Variants in SEC22A observed in about 807,000 individuals in gnomAD.
The protein encoded by SEC22A is SEC22 homolog A, vesicle trafficking protein, also known as vesicle-trafficking protein SEC22a.
A neutral mutation model predicts 35.3 loss-of-function variants in SEC22A; 22 were observed. The observed-to-expected ratio is 0.62, with a 90% CI of 0.45 to 0.89. The LOEUF (loss-of-function observed/expected upper bound fraction) is 0.89, where lower values mean the gene tolerates loss of function less well. Among genes scored for constraint, SEC22A ranks in the 40% least tolerant of loss-of-function variants. SEC22A has a pLI of 0.00. For missense variants in SEC22A, 354 were observed against 362.5 expected (o/e 0.98, Z 0.19); for synonymous variants, 119 against 129.5 (o/e 0.92, Z 0.55).
At chr3:123,251,393 A>G (rs1372628158) in intron 5 of SEC22A, among the ~76,000 whole-genome samples, 2 of 152,196 alleles carry the variant, frequency 1.3e-5, no homozygotes, top group African/African-American at 4.8e-5. Context: ...GTCTTAGACT[A>G]AATTACTCTA....
chr3:123,215,838 G>C (rs937967918), intron 2 of SEC22A, among the ~76,000 whole-genome samples: 5 of 152,132 alleles, frequency 3.3e-5, no homozygotes, highest in African/African-American at 1.2e-4. Context: ...CCAGGGAAGA[G>C]AATGAAGGGA....
Position 123,273,258 on chromosome 3 carries a change from C to A in SEC22A, c.*1536C>A, listed in dbSNP as rs2108119237. 1 of 152,288 alleles carries A rather than the reference C, an allele frequency of 6.6e-6. No homozygotes were observed. The highest frequency in any genetic ancestry group is 1.9e-4 in the East Asian group (1 of 5,182). The allele number at this position is 152,288 out of a possible 1,614,324, so 9.4% of individuals were successfully genotyped here. ...CCAGTATTTGTGGATATGTCTAGAA[C>A]TGTAAAATCTTGCTTAACTAGAACC... On this transcript the variant is annotated 3_prime_UTR_variant, in exon 7 of 7. Coordinates refer to ENST00000492595, the MANE Select transcript of SEC22A (RefSeq NM_012430.5).
rs1243085333 is a variant in SEC22A, at chr3:123,271,530, A to C, written c.732A>C (p.Leu244Phe). 5 of 1,612,466 alleles carry C rather than the reference A, an allele frequency of 3.1e-6. No individual in the cohort carries two copies. Among genetic ancestry groups the C allele is most frequent in the Non-Finnish European group, 4.2e-6 (5 of 1,179,450 alleles). The change falls in exon 7 of 7, where the codon TTA (leucine) becomes TTC (phenylalanine). Residue 244 changes from leucine to phenylalanine, a missense_variant. Physicochemically the swap from Leu to Phe is conservative, Grantham distance 22 (BLOSUM62 0). Transcript: ENST00000492595. ...GTAACLYQCYLLVYYTGWRNV... is the reference protein window; with the variant it reads ...GTAACLYQCYFLVYYTGWRNV... ...TTTTATATTTTGAACAGTGTTATTT[A>C]CTTGTCTACTACACCGGCTGGCGGA...
intron 6 of SEC22A, among the ~76,000 whole-genome samples, chr3:123,263,254 T>C (rs1937933526): frequency 1.3e-5 from 2 of 152,242 alleles, no homozygotes; most frequent in African/African-American, 4.8e-5. Context: ...AGTTCTGGAA[T>C]CTGGAAGTCC....
intron 2 of SEC22A, among the ~76,000 whole-genome samples, chr3:123,222,130 T>G (rs931872239): frequency 1.3e-5 from 2 of 152,158 alleles, no homozygotes; most frequent in Non-Finnish European, 2.9e-5. Flanking sequence ...ATAGCATTTT[T>G]TTTTTTTTAT....
intron 4 of SEC22A, among the ~76,000 whole-genome samples, chr3:123,226,186 T>C (rs979983698): frequency 1.3e-5 from 2 of 152,238 alleles, no homozygotes; most frequent in African/African-American, 4.8e-5. Context: ...TTCGATATGC[T>C]GATTTCCTTT....
chr3:123,225,900 T>C (rs1937211048), intron 4 of SEC22A, among the ~76,000 whole-genome samples: 1 of 151,844 alleles, frequency 6.6e-6, no homozygotes, highest in South Asian at 2.1e-4. Context: ...TCTCCATGAG[T>C]TCAGTTGTTT....
intron 2 of SEC22A, 85 bp downstream of exon 2, chr3:123,209,484 T>C: frequency 9.0e-7 from 1 of 1,106,038 alleles, no homozygotes; most frequent in South Asian, 1.5e-5. Context: ...TAGAAAGGAG[T>C]GATTAGGAAA....
chr3:123,216,316 A>G (rs1937022388), intron 2 of SEC22A, among the ~76,000 whole-genome samples: 1 of 152,160 alleles, frequency 6.6e-6, no homozygotes, highest in Admixed American at 6.5e-5. Flanking sequence ...GAAGTGAGAA[A>G]GGGTGAATTG....
At chr3:123,253,412 A>G (rs1937641102) in intron 5 of SEC22A, among the ~76,000 whole-genome samples, 1 of 152,190 alleles carries the variant, frequency 6.6e-6, no homozygotes, top group East Asian at 1.9e-4. Context: ...GATGCCTTTT[A>G]AAGAAATTAT....
In SEC22A at chr3:123,249,014, A is replaced by G. The variant is rs78615195; in HGVS notation, c.657+3000A>G. On this transcript the variant is annotated intron_variant, in intron 5 of 6. Coordinates refer to ENST00000492595, the MANE Select transcript of SEC22A (RefSeq NM_012430.5). Reference sequence around the variant, plus strand: ...TAGTTGCAAGTTCAGGTTGTCACCAATTGGAAGTTCCCACAACCCCCTCCT... The same window carrying G: ...TAGTTGCAAGTTCAGGTTGTCACCAGTTGGAAGTTCCCACAACCCCCTCCT... Among the ~76,000 whole-genome samples the G allele has an allele frequency of 8.9e-3, 1,350 of 152,310 alleles. 10 individuals carry two copies. The highest frequency in any genetic ancestry group is 0.03 in the African/African-American group (1,267 of 41,568).
chr3:123,203,876 C>G (rs1298810620), intron 1 of SEC22A, among the ~76,000 whole-genome samples: 4 of 152,174 alleles, frequency 2.6e-5, no homozygotes, highest in East Asian at 3.9e-4. Context: ...TATTGGGGGC[C>G]CTGTCCTAGA....
chr3:123,224,119 A>G (rs1202517722), intron 3 of SEC22A, among the ~76,000 whole-genome samples: 1 of 152,194 alleles, frequency 6.6e-6, no homozygotes, highest in East Asian at 1.9e-4. Flanking sequence ...CCCTGTCACA[A>G]CTATTCAGCC....
At chr3:123,235,557 T>C (rs1937404088) in intron 4 of SEC22A, among the ~76,000 whole-genome samples, 2 of 152,174 alleles carry the variant, frequency 1.3e-5, no homozygotes, top group Admixed American at 6.5e-5. Context: ...TATAGAGAAA[T>C]TGGAATCTCC....
chr3:123,240,274 C>A (rs937288929), intron 4 of SEC22A, among the ~76,000 whole-genome samples: 2 of 152,212 alleles, frequency 1.3e-5, no homozygotes, highest in Non-Finnish European at 2.9e-5. Flanking sequence ...ATTTCCATCT[C>A]CCCCGAAAAG....
At position 123,209,224 on chromosome 3, in the gene SEC22A, A is replaced by G. The variant is rs746682356; in HGVS notation, c.7A>G (p.Met3Val). The change falls in exon 2 of 7, where the codon ATG becomes GTG. Residue 3 changes from methionine (M) to valine (V), a missense_variant. By Grantham distance (21) the Met-to-Val change is conservative. Coordinates refer to ENST00000492595, the MANE Select transcript of SEC22A (RefSeq NM_012430.5). ...GTCTTCTCTGTTGGTTGAAATGTCT[A>G]TGATTTTATCTGCCTCAGTCATTCG... MS[M>V]ILSASVIRVR... 3.7e-6 allele frequency: 6 copies of G among 1,613,994 alleles called. No individual in the cohort carries two copies. The highest frequency in any genetic ancestry group is 2.2e-5 in the South Asian group (2 of 91,070).
At chr3:123,208,843 G>C in intron 1 of SEC22A, 1 of 223,376 alleles carries the variant, frequency 4.5e-6, no homozygotes. Flanking sequence ...CGCCCAGGCT[G>C]GAGCTCAGTG....
At chr3:123,210,859 T>G (rs1047657224) in intron 2 of SEC22A, among the ~76,000 whole-genome samples, 29 of 152,148 alleles carry the variant, frequency 1.9e-4, no homozygotes, top group Admixed American at 2.6e-4. Context: ...AGGAGGGCAT[T>G]CCAGGTGTAC....
At chr3:123,235,000 G>C (rs969855673) in intron 4 of SEC22A, among the ~76,000 whole-genome samples, 6 of 150,136 alleles carry the variant, frequency 4.0e-5, no homozygotes, top group Non-Finnish European at 7.4e-5. Flanking sequence ...TCCAGCCTGG[G>C]CAACAGCCAG....
Sources: allele counts gnomAD v4.1 joint callset (sites outside exome capture counted in the v4.1 genomes callset), GRCh38; gene constraint gnomAD v4.1.1; transcripts MANE v1.5; gene names NCBI Gene and HGNC (gene_info 2026-07-23, HGNC 2026-07-21).